MAP7: variants seen among roughly 807,000 people sequenced by gnomAD.
The protein encoded by MAP7 is ensconsin.
In MAP7, 52 loss-of-function variants were observed where a neutral mutation model predicts 94.8. That is an observed-to-expected ratio of 0.55 (90% CI 0.44 to 0.69). MAP7 has a LOEUF of 0.69. Ranked by LOEUF, MAP7 falls within the 30% of genes least tolerant of loss-of-function variation. The pLI is 0.00. For synonymous variants in MAP7, 350 were observed against 357.0 expected, an observed-to-expected ratio of 0.98 and a Z score of 0.22; for missense variants, 940 against 964.6, an observed-to-expected ratio of 0.97 and a Z score of 0.34.
In MAP7 at chr6:136,386,663, A is replaced by C. The variant is rs551010840; in HGVS notation, c.526+1730T>G. Among the ~76,000 whole-genome samples the C allele has an allele frequency of 3.1e-3, 476 of 152,348 alleles. 4 individuals are homozygous for C. Among genetic ancestry groups the C allele is most frequent in the Admixed American group, 7.6e-3 (117 of 15,298 alleles). ...CCCATCAACAAAATCTCATATGTAA[A>C]TGATCTGTATAACAGATTTAATATG... is the stretch of plus-strand genomic sequence containing the variant. On this transcript the variant is annotated intron_variant, in intron 5 of 17. Transcript: ENST00000354570.
At chr6:136,430,629 G>A (rs1417745148) in intron 1 of MAP7, among the ~76,000 whole-genome samples, 2 of 152,110 alleles carry the variant, frequency 1.3e-5, no homozygotes, top group African/African-American at 4.8e-5. Flanking sequence ...GGAATGATAT[G>A]GTAGGTTCTG....
intron 10 of MAP7, chr6:136,364,563 G>T: frequency 4.4e-6 from 1 of 228,426 alleles, no homozygotes; most frequent in South Asian, 5.6e-5. Flanking sequence ...CCTTGAGTGT[G>T]AGTTCCACCT....
At chr6:136,387,600 A>G (rs908828025) in intron 5 of MAP7, among the ~76,000 whole-genome samples, 7 of 152,156 alleles carry the variant, frequency 4.6e-5, no homozygotes, top group African/African-American at 1.2e-4. Context: ...GCAATTGGCA[A>G]TCACAGGGAT....
intron 2 of MAP7, chr6:136,420,365 A>G (rs1343843706): frequency 1.6e-6 from 1 of 617,958 alleles, no homozygotes; most frequent in Non-Finnish European, 2.9e-6. Flanking sequence ...GAAGTGGGCC[A>G]TAACCTCAGT....
intron 2 of MAP7, among the ~76,000 whole-genome samples, chr6:136,415,946 G>A (rs751937916): frequency 2.0e-4 from 30 of 152,298 alleles, no homozygotes; most frequent in Non-Finnish European, 4.1e-4. Context: ...TTGGAAACCT[G>A]GCGTTAGAAA....
At chr6:136,544,937 T>A (rs1829607236) in intron 1 of MAP7, among the ~76,000 whole-genome samples, 1 of 152,158 alleles carries the variant, frequency 6.6e-6, no homozygotes. Context: ...CCCATCTCTT[T>A]GGGGTAAAGA....
intron 1 of MAP7, among the ~76,000 whole-genome samples, chr6:136,489,805 A>C (rs1355495893): frequency 2.6e-5 from 4 of 152,090 alleles, no homozygotes; most frequent in Non-Finnish European, 5.9e-5. Context: ...CTGGGATTAC[A>C]GGCGTGAGTC....
At chr6:136,459,375 A>T (rs1425385782) in intron 1 of MAP7, among the ~76,000 whole-genome samples, 1 of 152,100 alleles carries the variant, frequency 6.6e-6, no homozygotes, top group Non-Finnish European at 1.5e-5. Context: ...TAAACACAGA[A>T]ATACCATATG....
intron 8 of MAP7, among the ~76,000 whole-genome samples, chr6:136,368,847 C>T (rs2128593757): frequency 6.6e-6 from 1 of 152,304 alleles, no homozygotes; most frequent in South Asian, 2.1e-4. Flanking sequence ...TCCACAGATT[C>T]CATGCATTCC....
intron 1 of MAP7, among the ~76,000 whole-genome samples, chr6:136,478,979 CA>C (rs59319740): frequency 0.18 from 8,079 of 45,512 alleles, 569 homozygotes; most frequent in African/African-American, 0.32. Flanking sequence ...ACAGACACAT[CA>C]AAAAAAAAAA....
chr6:136,354,454 T>C (rs1790272476), intron 16 of MAP7, among the ~76,000 whole-genome samples: 2 of 146,152 alleles, frequency 1.4e-5, no homozygotes, highest in Admixed American at 1.4e-4. Context: ...ATAGTAGATA[T>C]ATATAAAAAT....
At chr6:136,481,134 G>A (rs973291934) in intron 1 of MAP7, among the ~76,000 whole-genome samples, 2 of 152,138 alleles carry the variant, frequency 1.3e-5, no homozygotes, top group East Asian at 3.8e-4. Context: ...TGCTGGTGAG[G>A]ATGTAGAGAA....
chr6:136,548,626 A>C (rs1351073425), intron 1 of MAP7, among the ~76,000 whole-genome samples: 3 of 152,214 alleles, frequency 2.0e-5, no homozygotes, highest in South Asian at 2.1e-4. Flanking sequence ...CACATGGTTG[A>C]TTTGTATATT....
intron 1 of MAP7, among the ~76,000 whole-genome samples, chr6:136,495,065 C>T (rs944255368): frequency 2.0e-5 from 3 of 152,148 alleles, no homozygotes; most frequent in Non-Finnish European, 4.4e-5. Flanking sequence ...AGAAGCTCTA[C>T]TTGGCCTCTG....
Position 136,548,491 on chromosome 6 carries a change from T to C in MAP7, c.67+1851A>G, listed in dbSNP as rs538090281. Among the ~76,000 whole-genome samples the C allele has an allele frequency of 9.5e-4, 144 of 152,310 alleles. 1 individual carries two copies. The highest frequency in any genetic ancestry group is 3.3e-3 in the African/African-American group (138 of 41,578). On this transcript the variant is annotated intron_variant, in intron 1 of 17. Coordinates refer to ENST00000354570, the MANE Select transcript of MAP7 (RefSeq NM_003980.6). ...TATAAAGTATAATTATTCAAGACCA[T>C]ATATAAAAAATGTCCTTTGGAAAAT...
Position 136,388,522 on chromosome 6 carries a change from T to C in MAP7, c.409-12A>G, listed in dbSNP as rs780008479. On this transcript the variant is annotated splice_polypyrimidine_tract_variant and intron_variant, in intron 4 of 17. Coordinates refer to ENST00000354570, the MANE Select transcript of MAP7 (RefSeq NM_003980.6). ...GCTTCGTGGCGTTCCTTAGATGGAA[T>C]AGAAGAGCTGAGGATTAGATTCCAG... 2.5e-6 allele frequency: 4 copies of C among 1,605,704 alleles called. No homozygotes were observed. The highest frequency in any genetic ancestry group is 3.4e-6 in the Non-Finnish European group (4 of 1,172,564).
chr6:136,479,379 T>C (rs185172546), intron 1 of MAP7, among the ~76,000 whole-genome samples: 74 of 152,312 alleles, frequency 4.9e-4, no homozygotes, highest in African/African-American at 1.7e-3. Flanking sequence ...AAGCCATATA[T>C]GACAGACTCA....
intron 1 of MAP7, among the ~76,000 whole-genome samples, chr6:136,463,574 T>C (rs1457105529): frequency 2.0e-5 from 3 of 152,230 alleles, no homozygotes; most frequent in Non-Finnish European, 4.4e-5. Flanking sequence ...AAATACACAA[T>C]ATAAAGTCAA....
intron 1 of MAP7, among the ~76,000 whole-genome samples, chr6:136,539,680 A>G (rs1380887368): frequency 5.3e-5 from 8 of 152,174 alleles, no homozygotes; most frequent in Admixed American, 5.2e-4. Context: ...CACGAATGCA[A>G]CTCAGAAGTG....
Sources: allele counts gnomAD v4.1 joint callset (sites outside exome capture counted in the v4.1 genomes callset), GRCh38; gene constraint gnomAD v4.1.1; transcripts MANE v1.5; gene names NCBI Gene and HGNC (gene_info 2026-07-23, HGNC 2026-07-21).